RRAGC: variants seen among roughly 807,000 people sequenced by gnomAD.
RRAGC encodes Ras related GTP binding C, also known as ras-related GTP-binding protein C.
Under a neutral mutation model 37.1 loss-of-function variants are expected in RRAGC, and 8 were observed. The observed-to-expected ratio is 0.22, with a 90% CI of 0.13 to 0.39. The LOEUF is 0.39. Ranked by LOEUF, RRAGC falls within the 10% of genes least tolerant of loss-of-function variation. The probability of loss-of-function intolerance (pLI) is 1.00; values close to 1 mark genes in which losing one functional copy is unlikely to be tolerated. For missense variants in RRAGC, 342 were observed against 497.6 expected (o/e 0.69, Z 2.98); for synonymous variants, 190 against 181.1 (o/e 1.05, Z -0.39).
rs1641920843 is a variant in RRAGC, at chr1:38,839,284, G to A, written c.*269C>T. On this transcript the variant is annotated 3_prime_UTR_variant, in exon 7 of 7. Coordinates refer to ENST00000373001, the MANE Select transcript of RRAGC (RefSeq NM_022157.4). The stretch of plus-strand genomic sequence containing the variant: ...CAAAATATCCCAACTACTTAAAGGG[G>A]ACCCAAAAGAGGAGAAACACACACT... 5.9e-6 allele frequency: 2 copies of A among 341,044 alleles called. No homozygotes were observed. The highest frequency in any genetic ancestry group is 1.1e-5 in the Non-Finnish European group (2 of 189,846). The allele number at this position is 341,044 out of a possible 1,614,324, so 21.1% of individuals were successfully genotyped here. A position where few individuals can be genotyped will look rare whatever the true frequency, so the allele number is the denominator to read the frequency against.
At chr1:38,846,179 A>G in intron 5 of RRAGC, 92 bp from the exon 6 acceptor site, 1 of 992,998 alleles carries the variant, frequency 1.0e-6, no homozygotes, top group South Asian at 1.5e-5. Context: ...CAGTTTCCCA[A>G]ATGTCTCTGG....
At chr1:38,849,016 A>G (rs1198802683) in intron 5 of RRAGC, among the ~76,000 whole-genome samples, 1 of 151,824 alleles carries the variant, frequency 6.6e-6, no homozygotes, top group African/African-American at 2.4e-5. Flanking sequence ...TGTAGTCAGG[A>G]GCATCACTTG....
intron 1 of RRAGC, among the ~76,000 whole-genome samples, chr1:38,858,473 T>A (rs984374951): frequency 6.6e-6 from 1 of 152,120 alleles, no homozygotes; most frequent in African/African-American, 2.4e-5. Flanking sequence ...CCAAGGCGGA[T>A]GATCACTTGA....
chr1:38,859,223 G>C (rs1377046129), intron 1 of RRAGC, among the ~76,000 whole-genome samples, 187 bp downstream of exon 1: 2 of 152,270 alleles, frequency 1.3e-5, no homozygotes, highest in Non-Finnish European at 2.9e-5. Context: ...GGCTTCAGCT[G>C]ACTTGGGCGT....
At chr1:38,852,906 T>C (rs1642117456) in intron 3 of RRAGC, among the ~76,000 whole-genome samples, 2 of 152,182 alleles carry the variant, frequency 1.3e-5, no homozygotes, top group Non-Finnish European at 2.9e-5. Flanking sequence ...AAAAAGTTCT[T>C]TCCAGACCAG....
chr1:38,854,223 A>G (rs1031341704), intron 3 of RRAGC, among the ~76,000 whole-genome samples: 2 of 151,944 alleles, frequency 1.3e-5, no homozygotes, highest in Non-Finnish European at 2.9e-5. Context: ...ACACACCACA[A>G]TGCCCGGCTA....
chr1:38,839,739 A>G (rs1303965229), intron 6 of RRAGC, 35 bp from the exon 7 acceptor site: 1 of 1,598,402 alleles, frequency 6.3e-7, no homozygotes, highest in East Asian at 2.2e-5. Flanking sequence ...TGCCTCCTGA[A>G]TTGTCAATTG....
rs12742341 is a variant in RRAGC, at chr1:38,859,621, T to C, written c.26A>G (p.Glu9Gly). The C allele has an allele frequency of 1.3e-6, 2 of 1,559,402 alleles. No individual in the cohort carries two copies. Among genetic ancestry groups the C allele is most frequent in the Non-Finnish European group, 1.7e-6 (2 of 1,154,250 alleles). MSLQYGAE[E>G]TPLAGSYGAA... ...GCCGTAACTGCCGGCGAGGGGCGTC[T>C]CCTCCGCCCCGTACTGCAGGGACAT... The change falls in exon 1 of 7, where the codon GAG becomes GGG. Residue 9 changes from glutamate to glycine, a missense_variant. Glu to Gly is a moderately conservative substitution (Grantham distance 98, BLOSUM62 -2). Coordinates refer to ENST00000373001, the MANE Select transcript of RRAGC (RefSeq NM_022157.4).
At chr1:38,842,105 T>G (rs1176640638) in intron 6 of RRAGC, among the ~76,000 whole-genome samples, 1 of 151,998 alleles carries the variant, frequency 6.6e-6, no homozygotes, top group African/African-American at 2.4e-5. Context: ...ACCCCTTCTG[T>G]ACTAAAAATA....
chr1:38,844,399 C>G (rs1570861015), intron 6 of RRAGC, among the ~76,000 whole-genome samples: 1 of 148,574 alleles, frequency 6.7e-6, no homozygotes, highest in Non-Finnish European at 1.5e-5. Context: ...ATGAGCTGAC[C>G]TAGAAAATAC....
Position 38,846,068 on chromosome 1 carries a change from C to G in RRAGC, c.919G>C (p.Gly307Arg), listed in dbSNP as rs771916837. ...CIYGLKEDGS[G>R]SAYDKESMAI... ...ATAGATTCTTTGTCATAAGCACTTCCACTTCCATCTTCCTTTAACCTATTT... is the reference window on the plus strand; with the variant it reads ...ATAGATTCTTTGTCATAAGCACTTCGACTTCCATCTTCCTTTAACCTATTT... Residue 307 changes from glycine (G) to arginine (R), a missense_variant, in exon 6 of 7, where the codon GGA (glycine) becomes CGA (arginine). Around this residue, in one of 3 missense-constraint regions of RRAGC, gnomAD observed 104 missense variants for 127.0 expected, o/e 0.82. Coordinates refer to ENST00000373001, the MANE Select transcript of RRAGC (RefSeq NM_022157.4). The G allele has an allele frequency of 6.2e-7, 1 of 1,609,570 alleles. No homozygotes were observed. The highest frequency in any genetic ancestry group is 1.1e-5 in the South Asian group (1 of 90,042).
chr1:38,856,726 C>T, intron 2 of RRAGC, 153 bp downstream of exon 2: 1 of 666,490 alleles, frequency 1.5e-6, no homozygotes, highest in Non-Finnish European at 2.6e-6. Flanking sequence ...ATGTCTGCTC[C>T]CAAAGCACTC....
chr1:38,857,827 G>A (rs1423938256), intron 1 of RRAGC, among the ~76,000 whole-genome samples: 3 of 152,158 alleles, frequency 2.0e-5, no homozygotes, highest in African/African-American at 7.2e-5. Flanking sequence ...GGGCGTGGTG[G>A]TGCACGCCTG....
chr1:38,845,773 A>G (rs1382979242), intron 6 of RRAGC, among the ~76,000 whole-genome samples, 166 bp downstream of exon 6: 1 of 152,212 alleles, frequency 6.6e-6, no homozygotes, highest in Non-Finnish European at 1.5e-5. Flanking sequence ...AAGAAAAGAG[A>G]AAGTCTGGAC....
At chr1:38,844,068 C>A (rs147794887) in intron 6 of RRAGC, among the ~76,000 whole-genome samples, 1 of 152,052 alleles carries the variant, frequency 6.6e-6, no homozygotes, top group African/African-American at 2.4e-5. Context: ...AAGGAGATCA[C>A]GAAATCTCCT....
At chr1:38,851,540 A>G (rs1642101074) in intron 5 of RRAGC, 75 bp downstream of exon 5, 1 of 1,330,728 alleles carries the variant, frequency 7.5e-7, no homozygotes, top group Non-Finnish European at 1.0e-6. Flanking sequence ...GGCCTCAGAA[A>G]TTAGTCTTCT....
intron 5 of RRAGC, 103 bp from the exon 6 acceptor site, chr1:38,846,190 G>T: frequency 1.1e-6 from 1 of 894,652 alleles, no homozygotes; most frequent in Non-Finnish European, 1.8e-6. Flanking sequence ...ATGTCTCTGG[G>T]AAAGAATACT....
intron 5 of RRAGC, chr1:38,847,114 A>G (rs1277781281): frequency 6.6e-6 from 1 of 152,018 alleles, no homozygotes. Context: ...TGTCTCAGGG[A>G]AAAAAAAGAA....
rs1642023146 is a variant in RRAGC at position 38,845,972 on chromosome 1, A to T, written c.1015T>A (p.Cys339Ser). 6.2e-7 allele frequency: 1 copy of T among 1,613,096 alleles called. No individual in the cohort carries two copies. Among genetic ancestry groups the T allele is most frequent in the Non-Finnish European group, 8.5e-7 (1 of 1,179,636 alleles). Reference protein sequence around the residue: ...KEVTKFLALVCILREESFERK... With the variant: ...KEVTKFLALVSILREESFERK... Reference sequence around the variant, plus strand: ...TCAAAGCTTTCTTCCCTTAGAATGCAGACCAGTGCCAAAAATTTAGTCACC... The same window carrying T: ...TCAAAGCTTTCTTCCCTTAGAATGCTGACCAGTGCCAAAAATTTAGTCACC... The change falls in exon 6 of 7, where the codon TGC becomes AGC. Residue 339 changes from cysteine to serine, a missense_variant. Transcript: ENST00000373001.
Sources: allele counts gnomAD v4.1 joint callset (sites outside exome capture counted in the v4.1 genomes callset), GRCh38; gene constraint gnomAD v4.1.1; regional missense constraint gnomAD v4.1.1; transcripts MANE v1.5; gene names NCBI Gene and HGNC (gene_info 2026-07-23, HGNC 2026-07-21).